TCF4: variants seen among roughly 807,000 people sequenced by gnomAD.
The protein encoded by TCF4 is transcription factor 4, also known as SL3-3 enhancer factor 2.
In TCF4, 3 loss-of-function variants were observed where a neutral mutation model predicts 82.1. That is an observed-to-expected ratio of 0.04 (90% CI 0.02 to 0.09). The LOEUF (loss-of-function observed/expected upper bound fraction) is 0.09. Among genes scored for constraint, TCF4 ranks in the 10% least tolerant of loss-of-function variants. The probability of loss-of-function intolerance (pLI) is 1.00; values close to 1 mark genes in which losing one functional copy is unlikely to be tolerated. For missense variants in TCF4, 518 were observed against 852.7 expected (o/e 0.61, Z 4.89); for synonymous variants, 276 against 309.6 (o/e 0.89, Z 1.14).
chr18:55,351,111 TGCTAA>T, intron 6 of TCF4, 108 bp from the exon 7 acceptor site: 2 of 1,383,348 alleles, frequency 1.4e-6, no homozygotes, highest in Non-Finnish European at 2.0e-6. Flanking sequence ...AAACAGCATC[TGCTAA>T]GCTGAGACAA....
rs535391063 is a variant in TCF4 at position 55,413,137 on chromosome 18, A to G, written c.305-9619T>C. ...CTACATCAAAAGAATGGGGGGGGAC[A>G]TGACAATGTTATATACGGTATATAG... On this transcript the variant is annotated intron_variant, in intron 5 of 19. Transcript: ENST00000354452. Among the ~76,000 whole-genome samples the G allele has an allele frequency of 2.9e-3, 435 of 152,312 alleles. 1 individual carries two copies. Among genetic ancestry groups the G allele is most frequent in the Non-Finnish European group, 5.1e-3 (350 of 68,016 alleles).
At chr18:55,228,526 A>G (rs1451056459) in intron 18 of TCF4, among the ~76,000 whole-genome samples, 165 bp from the exon 19 acceptor site, 1 of 152,230 alleles carries the variant, frequency 6.6e-6, no homozygotes, top group African/African-American at 2.4e-5. Flanking sequence ...AGTCACTAGT[A>G]AAAGGTGAAC....
chr18:55,596,802 G>A (rs1352638401), intron 2 of TCF4, among the ~76,000 whole-genome samples: 1 of 152,016 alleles, frequency 6.6e-6, no homozygotes, highest in Admixed American at 6.5e-5. Flanking sequence ...ATAATATACA[G>A]TATAGTACAT....
chr18:55,404,020 A>C, intron 5 of TCF4: 1 of 1,182,902 alleles, frequency 8.5e-7, no homozygotes, highest in Non-Finnish European at 1.0e-6. Flanking sequence ...TTTTTTAAAA[A>C]CTCCCTTTCC....
intron 3 of TCF4, among the ~76,000 whole-genome samples, chr18:55,512,304 T>G (rs2096836826): frequency 6.6e-6 from 1 of 152,152 alleles, no homozygotes; most frequent in Admixed American, 6.5e-5. Flanking sequence ...TGATGGAATA[T>G]TACGCTGCCT....
chr18:55,251,065 T>C (rs1220253624), intron 15 of TCF4, among the ~76,000 whole-genome samples: 1 of 152,148 alleles, frequency 6.6e-6, no homozygotes, highest in African/African-American at 2.4e-5. Flanking sequence ...AAGGAGAACA[T>C]ACAGGGTGAA....
At chr18:55,457,770 T>C (rs1220251745) in intron 5 of TCF4, among the ~76,000 whole-genome samples, 1 of 152,232 alleles carries the variant, frequency 6.6e-6, no homozygotes, top group Non-Finnish European at 1.5e-5. Flanking sequence ...ACAAATGAAC[T>C]AAGTTTTGGA....
At chr18:55,350,249 T>C (rs977396567) in intron 8 of TCF4, 110 bp downstream of exon 8, 2 of 1,163,366 alleles carry the variant, frequency 1.7e-6, no homozygotes. Context: ...ACCTTCTAGA[T>C]AAACGTGCTG....
intron 3 of TCF4, among the ~76,000 whole-genome samples, chr18:55,504,401 T>A (rs774198745): frequency 6.6e-6 from 1 of 152,220 alleles, no homozygotes; most frequent in Admixed American, 6.5e-5. Flanking sequence ...GGCTCTCCTA[T>A]GAAAATTAGA....
rs993464268 is a variant in TCF4 at position 55,497,175 on chromosome 18, T to C, written c.146-33038A>G. Among the ~76,000 whole-genome samples, 8 of 152,188 alleles carry C rather than the reference T, an allele frequency of 5.3e-5. No homozygotes were observed. The South Asian group carries it at 1.7e-3, about 32-fold the overall frequency. On this transcript the variant is annotated intron_variant, in intron 3 of 19. Transcript: ENST00000354452. ...AACACATATAGGTTAAAGAACAAGTTTGTCAAAGGTTCCCAGAATTTTGTT... is the reference window on the plus strand; with the variant it reads ...AACACATATAGGTTAAAGAACAAGTCTGTCAAAGGTTCCCAGAATTTTGTT...
intron 9 of TCF4, among the ~76,000 whole-genome samples, chr18:55,278,711 G>A (rs1356274184): frequency 6.6e-6 from 1 of 152,038 alleles, no homozygotes; most frequent in African/African-American, 2.4e-5. Context: ...TGGGACTACA[G>A]GTGCCCACCA....
chr18:55,483,788 G>A (rs1480664042), intron 3 of TCF4, among the ~76,000 whole-genome samples: 1 of 152,152 alleles, frequency 6.6e-6, no homozygotes, highest in Non-Finnish European at 1.5e-5. Context: ...TTACTTGGAT[G>A]GCAGTTATAG....
rs2095237522 is a variant in TCF4 at position 55,432,656 on chromosome 18, C to T, written c.304+28363G>A. ...ACTCACTCCTCTACTCGCCCCTCTC[C>T]ACTGAACATACATGCTACACCGATT... On this transcript the variant is annotated intron_variant, in intron 5 of 19. Transcript: ENST00000354452. Among the ~76,000 whole-genome samples the T allele has an allele frequency of 2.0e-5, 3 of 152,224 alleles. No individual in the cohort carries two copies. The South Asian group carries it at 6.2e-4, about 32-fold the overall frequency.
chr18:55,561,155 C>G (rs2097351724), intron 3 of TCF4, among the ~76,000 whole-genome samples: 1 of 152,206 alleles, frequency 6.6e-6, no homozygotes, highest in African/African-American at 2.4e-5. Context: ...CTAAGAATCC[C>G]TACTCATCCT....
At chr18:55,356,514 TA>T (rs2083560242) in intron 6 of TCF4, among the ~76,000 whole-genome samples, 1 of 152,332 alleles carries the variant, frequency 6.6e-6, no homozygotes, top group African/African-American at 2.4e-5. Context: ...AGCAAACTGC[TA>T]CTGTTAATTC....
intron 6 of TCF4, among the ~76,000 whole-genome samples, chr18:55,367,070 G>A (rs73490861): frequency 0.03 from 4,534 of 152,242 alleles, 91 homozygotes; most frequent in Non-Finnish European, 0.035. Flanking sequence ...AGAGATGAAA[G>A]TCATCTCCCT....
intron 3 of TCF4, among the ~76,000 whole-genome samples, chr18:55,538,993 A>G (rs188035575): frequency 1.7e-3 from 258 of 152,160 alleles, no homozygotes; most frequent in Admixed American, 3.5e-3. Context: ...GATGGTTCAA[A>G]TAATACACTC....
intron 8 of TCF4, among the ~76,000 whole-genome samples, chr18:55,296,909 T>A (rs1369963023): frequency 6.6e-6 from 1 of 152,190 alleles, no homozygotes; most frequent in Non-Finnish European, 1.5e-5. Context: ...ATATTAGGAA[T>A]GGGTGAGCCA....
intron 3 of TCF4, 110 bp downstream of exon 3, chr18:55,585,170 C>G (rs970090028): frequency 4.1e-6 from 4 of 977,680 alleles, no homozygotes; most frequent in Admixed American, 1.7e-5. Flanking sequence ...TGATTACAGG[C>G]TAAAATTCAA....
Sources: allele counts gnomAD v4.1 joint callset (sites outside exome capture counted in the v4.1 genomes callset), GRCh38; gene constraint gnomAD v4.1.1; transcripts MANE v1.5; gene names NCBI Gene and HGNC (gene_info 2026-07-23, HGNC 2026-07-21).